PCDHA4: variants seen among roughly 807,000 people sequenced by gnomAD.
PCDHA4 encodes the protein protocadherin alpha 4, also known as protocadherin alpha-4.
PCDHA4 carries 49 observed loss-of-function variants against 61.4 expected under a neutral mutation model. The observed-to-expected ratio is 0.80, with a 90% CI of 0.63 to 1.01. The LOEUF is 1.01. Among genes scored for constraint, PCDHA4 ranks in the 50% least tolerant of loss-of-function variants. PCDHA4 has a pLI of 0.00. For synonymous variants in PCDHA4, 590 were observed against 550.3 expected, an observed-to-expected ratio of 1.07 and a Z score of -1.01; for missense variants, 1,254 against 1,235.8, an observed-to-expected ratio of 1.01 and a Z score of -0.22.
intron 1 of PCDHA4, among the ~76,000 whole-genome samples, chr5:140,826,875 T>C (rs532892808): frequency 6.6e-6 from 1 of 152,100 alleles, no homozygotes; most frequent in Non-Finnish European, 1.5e-5. Context: ...TAAAATTCAA[T>C]GAAAGCTGTA....
chr5:140,841,400 G>T, intron 1 of PCDHA4: 1 of 1,613,214 alleles, frequency 6.2e-7, no homozygotes, highest in African/African-American at 1.3e-5. Flanking sequence ...CTGGAAGGTG[G>T]GGAGCGGCCA....
intron 1 of PCDHA4, among the ~76,000 whole-genome samples, chr5:140,819,452 A>G (rs1461686795): frequency 1.3e-5 from 2 of 152,148 alleles, no homozygotes; most frequent in Non-Finnish European, 2.9e-5. Context: ...TTTTTTCTCA[A>G]GGAAGAACTT....
At chr5:140,862,596 G>A (rs543851067) in intron 1 of PCDHA4, 2 of 510,824 alleles carry the variant, frequency 3.9e-6, no homozygotes, top group East Asian at 1.0e-4. Flanking sequence ...CCGAGTACAT[G>A]GTGTTCGTGA....
intron 1 of PCDHA4, chr5:140,821,654 G>T: frequency 9.1e-7 from 1 of 1,101,190 alleles, no homozygotes; most frequent in Non-Finnish European, 1.3e-6. Context: ...TTCCATTTTT[G>T]GCTGTGCCAA....
intron 1 of PCDHA4, chr5:140,881,421 C>G: frequency 1.1e-6 from 1 of 907,614 alleles, no homozygotes; most frequent in South Asian, 5.1e-5. Context: ...GATATTAGTT[C>G]CAGGCATATT....
Position 140,852,095 on chromosome 5 carries a change from A to T in PCDHA4, c.2385+42523A>T. The stretch of plus-strand genomic sequence containing the variant: ...CAGCTATTTTATTTAATATTGTGTC[A>T]GATATTTTACAAGGTATGACCTAAT... On this transcript the variant is annotated intron_variant, in intron 1 of 3. Transcript: ENST00000530339. 16 of 908,222 alleles carry T rather than the reference A, an allele frequency of 1.8e-5. 1 individual carries two copies. Among genetic ancestry groups the T allele is most frequent in the Non-Finnish European group, 2.1e-5 (16 of 745,934 alleles). The allele number at this position is 908,222 out of a possible 1,614,324, so 56.3% of individuals were successfully genotyped here.
chr5:140,828,767 G>A, intron 1 of PCDHA4: 1 of 1,614,200 alleles, frequency 6.2e-7, no homozygotes, highest in Non-Finnish European at 8.5e-7. Flanking sequence ...CACAGGCACT[G>A]TTCAGCTGCT....
At chr5:140,884,469 C>A in intron 1 of PCDHA4, 1 of 1,613,766 alleles carries the variant, frequency 6.2e-7, no homozygotes, top group Non-Finnish European at 8.5e-7. Flanking sequence ...GCGTGCGCGC[C>A]GGGCAAGCCC....
At chr5:140,872,582 G>T (rs535860760) in intron 1 of PCDHA4, among the ~76,000 whole-genome samples, 2 of 152,202 alleles carry the variant, frequency 1.3e-5, no homozygotes, top group African/African-American at 4.8e-5. Context: ...ACCTATCATC[G>T]TGAGACCCCC....
rs536640692 is a variant in PCDHA4 at position 140,927,687 on chromosome 5, T to TG, written c.2386-51258dup. ...CCTTGGATCCAGATGAAGGGTCCAATGGGGAAGTCCAGTACTCCCTAAGCA... is the reference window on the plus strand; with the variant it reads ...CCTTGGATCCAGATGAAGGGTCCAATGGGGGAAGTCCAGTACTCCCTAAGCA... On this transcript the variant is annotated intron_variant, in intron 1 of 3. Coordinates refer to ENST00000530339, the MANE Select transcript of PCDHA4 (RefSeq NM_018907.4). The TG allele has an allele frequency of 3.2e-4, 518 of 1,614,158 alleles. 3 individuals carry two copies. In the Middle Eastern group the frequency reaches 0.011, roughly 35 times the overall value.
intron 1 of PCDHA4, chr5:140,815,048 T>C (rs1381946035): frequency 9.9e-5 from 15 of 152,202 alleles, no homozygotes; most frequent in African/African-American, 3.6e-4. Flanking sequence ...ATTTTTTTAA[T>C]ATCCTTTAAC....
At position 140,909,749 on chromosome 5, in the gene PCDHA4, C is replaced by G. The variant is rs141984152; in HGVS notation, c.2386-69200C>G. On this transcript the variant is annotated intron_variant, in intron 1 of 3. Coordinates refer to ENST00000530339, the MANE Select transcript of PCDHA4 (RefSeq NM_018907.4). ...ATGCATTCTGGCACTGGGGAAATGA[C>G]CACAGGATGAGTCCAGGGACCCACT... 2.0e-3 allele frequency among the ~76,000 whole-genome samples: 298 copies of G among 152,232 alleles called. 1 individual carries two copies. Among genetic ancestry groups the G allele is most frequent in the African/African-American group, 6.9e-3 (285 of 41,526 alleles).
intron 3 of PCDHA4, among the ~76,000 whole-genome samples, chr5:140,984,789 A>G (rs2097121266): frequency 6.6e-6 from 1 of 152,202 alleles, no homozygotes; most frequent in African/African-American, 2.4e-5. Context: ...GGGTGAGCAT[A>G]GACAAACTGC....
intron 1 of PCDHA4, chr5:140,868,931 G>C: frequency 9.2e-7 from 1 of 1,092,440 alleles, no homozygotes; most frequent in Non-Finnish European, 1.3e-6. Context: ...TCATTTAAAG[G>C]TTGGTCTGAA....
At chr5:140,927,105 C>T in intron 1 of PCDHA4, 1 of 1,613,778 alleles carries the variant, frequency 6.2e-7, no homozygotes, top group Non-Finnish European at 8.5e-7. Flanking sequence ...TGGATCTACC[C>T]AGCGGCAATT....
At chr5:140,879,743 C>A (rs553188333) in intron 1 of PCDHA4, among the ~76,000 whole-genome samples, 2 of 152,274 alleles carry the variant, frequency 1.3e-5, no homozygotes, top group South Asian at 2.1e-4. Context: ...AAGGTGTTGT[C>A]AAGGCTATAC....
At position 140,841,809 on chromosome 5, in the gene PCDHA4, G is replaced by A. The variant is rs2150323100; in HGVS notation, c.2385+32237G>A. The A allele has an allele frequency of 7.4e-6, 12 of 1,613,786 alleles. 1 individual carries two copies. In the African/African-American group the frequency reaches 1.3e-4, roughly 18 times the overall value. On this transcript the variant is annotated intron_variant, in intron 1 of 3. Coordinates refer to ENST00000530339, the MANE Select transcript of PCDHA4 (RefSeq NM_018907.4). ...GAGGGCGCGTCCGATGCAGATGTTG[G>A]AGCTAACTCCGTGTTAACCTACAGG...
intron 1 of PCDHA4, chr5:140,968,160 A>G: frequency 7.4e-6 from 12 of 1,614,104 alleles, no homozygotes; most frequent in Non-Finnish European, 1.0e-5. Context: ...ATCAATGACA[A>G]TCCACCAAGC....
chr5:140,827,227 G>A (rs1355140573), intron 1 of PCDHA4, among the ~76,000 whole-genome samples: 1 of 152,144 alleles, frequency 6.6e-6, no homozygotes, highest in Non-Finnish European at 1.5e-5. Flanking sequence ...GAAAGGATAT[G>A]GGACAGGGTT....
Sources: allele counts gnomAD v4.1 joint callset (sites outside exome capture counted in the v4.1 genomes callset), GRCh38; gene constraint gnomAD v4.1.1; transcripts MANE v1.5; gene names NCBI Gene and HGNC (gene_info 2026-07-23, HGNC 2026-07-21).